Variants in INTS9 observed in about 807,000 individuals in gnomAD.
The protein encoded by INTS9 is integrator complex subunit 9, also known as protein related to CPSF subunits of 74 kDa.
INTS9 carries 55 observed loss-of-function variants against 79.7 expected under a neutral mutation model. That is an observed-to-expected ratio of 0.69 (90% CI 0.56 to 0.86). The LOEUF (loss-of-function observed/expected upper bound fraction) is 0.86. Ranked by LOEUF, INTS9 falls within the 40% of genes least tolerant of loss-of-function variation. The pLI is 0.00. For missense variants in INTS9, 721 were observed against 831.5 expected, an observed-to-expected ratio of 0.87 and a Z score of 1.64; for synonymous variants, 319 against 325.2, an observed-to-expected ratio of 0.98 and a Z score of 0.20.
chr8:28,805,335 A>C (rs186500700), intron 8 of INTS9, among the ~76,000 whole-genome samples: 1 of 152,290 alleles, frequency 6.6e-6, no homozygotes, highest in African/African-American at 2.4e-5. Flanking sequence ...AATCCATCCA[A>C]GCTATCATTT....
intron 14 of INTS9, 66 bp downstream of exon 14, chr8:28,775,693 C>G (rs1802823750): frequency 6.5e-7 from 1 of 1,528,916 alleles, no homozygotes; most frequent in African/African-American, 1.4e-5. Flanking sequence ...GAAGGCCACC[C>G]CTGCACGATC....
intron 1 of INTS9, among the ~76,000 whole-genome samples, chr8:28,879,822 C>A (rs1018348715): frequency 6.6e-6 from 1 of 152,062 alleles, no homozygotes; most frequent in African/African-American, 2.4e-5. Context: ...CCACAAAAGA[C>A]CCCATATCAA....
At chr8:28,847,382 A>AGG (rs918348287) in intron 3 of INTS9, among the ~76,000 whole-genome samples, 2 of 151,990 alleles carry the variant, frequency 1.3e-5, no homozygotes, top group African/African-American at 2.4e-5. Context: ...AGCCTGAAAC[A>AGG]GGGATTCAAC....
In INTS9 at chr8:28,841,589, G is replaced by C. The variant is rs1460461056; in HGVS notation, c.262-3813C>G. 2.0e-5 allele frequency among the ~76,000 whole-genome samples: 3 copies of C among 152,252 alleles called. No homozygotes were observed. In the South Asian group the frequency reaches 6.2e-4, roughly 32 times the overall value. ...AACATCCAAACCACATTTATATACA[G>C]GTAATTCTTGACCAACACAGGGGTC... is the stretch of plus-strand genomic sequence containing the variant. On this transcript the variant is annotated intron_variant, in intron 4 of 16. Coordinates refer to ENST00000521022, the MANE Select transcript of INTS9 (RefSeq NM_018250.4).
chr8:28,820,818 A>T (rs1168639824), intron 6 of INTS9, among the ~76,000 whole-genome samples: 2 of 152,142 alleles, frequency 1.3e-5, no homozygotes. Context: ...CATTAAATAT[A>T]CAGTTACTAG....
chr8:28,851,684 G>A (rs1252616283), intron 2 of INTS9, among the ~76,000 whole-genome samples: 5 of 152,060 alleles, frequency 3.3e-5, no homozygotes, highest in African/African-American at 9.6e-5. Context: ...TGATCCACCC[G>A]CCTCAGCCTC....
At chr8:28,881,485 T>G (rs1008675026) in intron 1 of INTS9, among the ~76,000 whole-genome samples, 3 of 24,942 alleles carry the variant, frequency 1.2e-4, no homozygotes, top group Non-Finnish European at 1.5e-4. Context: ...GAGGGGGGGG[T>G]CAGCCCCCCG....
In INTS9 at chr8:28,768,276, A is replaced by G. The variant is rs1381682897; in HGVS notation, c.1847T>C (p.Ile616Thr). 6.2e-7 allele frequency: 1 copy of G among 1,614,024 alleles called. No homozygotes were observed. Among genetic ancestry groups the G allele is most frequent in the Non-Finnish European group, 8.5e-7 (1 of 1,180,014 alleles). The change falls in exon 17 of 17, where the codon ATC (isoleucine) becomes ACC (threonine). Residue 616 changes from isoleucine (I) to threonine (T), a missense_variant. By Grantham distance (89) the Ile-to-Thr change is moderately conservative. Around this residue, in one of 3 missense-constraint regions of INTS9, gnomAD observed 281 missense variants for 300.8 expected, o/e 0.93. Transcript: ENST00000521022. ...IKVEDTAKGH[I>T]VLLQEAETLI... ...CGTCTCAGCCTCCTGGAGCAGGACG[A>G]TATGGCCCTTGGCTGTGTCCTCCAC...
intron 13 of INTS9, chr8:28,776,168 C>G (rs241202): frequency 0.5 from 207,010 of 412,902 alleles, 53,417 homozygotes; most frequent in Non-Finnish European, 0.54. Flanking sequence ...CTTTCTTACT[C>G]TTTACATAAG....
intron 6 of INTS9, among the ~76,000 whole-genome samples, chr8:28,834,319 A>G (rs557855034): frequency 4.6e-5 from 7 of 152,224 alleles, no homozygotes; most frequent in African/African-American, 1.7e-4. Flanking sequence ...CCCCAAAACA[A>G]ACGTAGTCAT....
Position 28,800,998 on chromosome 8 carries a change from A to G in INTS9, c.745-4343T>C, listed in dbSNP as rs188021257. ...CCTTGCTTCATGGAACCAACCTCCA[A>G]CTGATCCATGGACTATTAGTAGCTC... On this transcript the variant is annotated intron_variant, in intron 8 of 16. Transcript: ENST00000521022. Among the ~76,000 whole-genome samples, 98 of 152,276 alleles carry G rather than the reference A, an allele frequency of 6.4e-4. No homozygotes were observed. In the East Asian group the frequency reaches 0.015, roughly 23 times the overall value.
intron 9 of INTS9, among the ~76,000 whole-genome samples, chr8:28,795,079 G>A (rs1413014911): frequency 1.3e-5 from 2 of 152,220 alleles, no homozygotes; most frequent in African/African-American, 2.4e-5. Flanking sequence ...TAATTTCTAA[G>A]AACAGTGCCT....
Position 28,837,649 on chromosome 8 carries a change from A to G in INTS9, c.389T>C (p.Val130Ala), listed in dbSNP as rs760327507. 1 of 1,613,102 alleles carries G rather than the reference A, an allele frequency of 6.2e-7. No homozygotes were observed. Among genetic ancestry groups the G allele is most frequent in the South Asian group, 1.1e-5 (1 of 91,026 alleles). Reference sequence around the variant, plus strand: ...TCAACCCTCTCACCTGCCGATCTGGACGGTGGGTTCCGTGGCATACACTGT... The same window carrying G: ...TCAACCCTCTCACCTGCCGATCTGGGCGGTGGGTTCCGTGGCATACACTGT... The part of the protein sequence containing the change: ...TGTVYATEPT[V>A]QIGRLLMEEL... Residue 130 changes from valine to alanine, a missense_variant, in exon 5 of 17, where the codon GTC (valine) becomes GCC (alanine). Transcript: ENST00000521022.
intron 2 of INTS9, among the ~76,000 whole-genome samples, chr8:28,857,710 C>T (rs1011533473): frequency 6.6e-6 from 1 of 152,108 alleles, no homozygotes; most frequent in African/African-American, 2.4e-5. Context: ...TGAGTAGCTA[C>T]CACATGCCAA....
intron 10 of INTS9, 64 bp downstream of exon 10, chr8:28,793,743 C>A: frequency 1.5e-6 from 2 of 1,297,892 alleles, no homozygotes; most frequent in African/African-American, 1.5e-5. Context: ...TATTTTTATT[C>A]TTACTGCTTG....
intron 1 of INTS9, among the ~76,000 whole-genome samples, chr8:28,869,106 A>G (rs1023917803): frequency 2.6e-5 from 4 of 152,150 alleles, no homozygotes; most frequent in African/African-American, 7.2e-5. Context: ...AAAAAAAAAA[A>G]TTGACTTTCT....
chr8:28,769,818 A>AG, intron 16 of INTS9, 71 bp downstream of exon 16: 3 of 1,577,128 alleles, frequency 1.9e-6, no homozygotes, highest in Non-Finnish European at 1.7e-6. Context: ...CCCTGCAGCC[A>AG]GGGGGCCATA....
intron 6 of INTS9, among the ~76,000 whole-genome samples, chr8:28,831,221 C>T (rs1806466876): frequency 6.6e-6 from 1 of 152,230 alleles, no homozygotes; most frequent in Admixed American, 6.5e-5. Context: ...GAAAACCAAA[C>T]ACCGCGTGTT....
intron 4 of INTS9, among the ~76,000 whole-genome samples, chr8:28,838,158 C>T (rs569986335): frequency 6.6e-6 from 1 of 152,036 alleles, no homozygotes; most frequent in Non-Finnish European, 1.5e-5. Flanking sequence ...GAACATAACA[C>T]CCCATTGCTA....
Sources: gnomAD v4.1 joint callset for allele counts (sites outside exome capture counted in the v4.1 genomes callset) on GRCh38, gnomAD v4.1.1 for gene constraint, gnomAD v4.1.1 regional missense constraint, MANE v1.5 for transcripts, NCBI Gene and HGNC (gene_info 2026-07-23, HGNC 2026-07-21) for gene names.